The following HK1 variants were observed in gnomAD, a reference collection of about 807,000 sequenced individuals.
HK1 encodes the protein hexokinase-1.
Under a neutral mutation model 91.6 loss-of-function variants are expected in HK1, and 28 were observed. The observed-to-expected ratio is 0.31, with a 90% confidence interval of 0.23 to 0.42. The LOEUF is 0.42. HK1 is among the 10% of genes least tolerant of loss of function. The probability of loss-of-function intolerance (pLI) is 1.00; values close to 1 mark genes in which losing one functional copy is unlikely to be tolerated. For synonymous variants in HK1, 430 were observed against 468.1 expected (o/e 0.92, Z 1.05); for missense variants, 770 against 1,219.8 (o/e 0.63, Z 5.49).
In HK1 at chr10:69,382,595, G is replaced by A. The variant is rs779957731; in HGVS notation, c.1374G>A (p.Ala458=). The A allele has an allele frequency of 1.9e-5, 30 of 1,614,068 alleles. No individual in the cohort carries two copies. The highest frequency in any genetic ancestry group is 5.3e-5 in the African/African-American group (4 of 74,928). Residue 458 remains alanine (A), a synonymous_variant, in exon 10 of 18, where the codon GCG becomes GCA. Coordinates refer to ENST00000359426, the MANE Select transcript of HK1 (RefSeq NM_000188.3). ...GSGKGAAMVT[A]VAYRLAEQHR... is the part of the protein sequence containing the mutation. Reference sequence around the variant, plus strand: ...GCAAGGGGGCTGCCATGGTGACGGCGGTGGCCTACCGCTTGGCCGAGCAGC... The same window carrying A: ...GCAAGGGGGCTGCCATGGTGACGGCAGTGGCCTACCGCTTGGCCGAGCAGC...
At position 69,376,948 on chromosome 10, in the gene HK1, T is replaced by C; in HGVS notation, c.890T>C (p.Val297Ala). 1 of 1,614,126 alleles carries C rather than the reference T, an allele frequency of 6.2e-7. No individual in the cohort carries two copies. Among genetic ancestry groups the C allele is most frequent in the Non-Finnish European group, 8.5e-7 (1 of 1,180,014 alleles). ...TTTCTCCACAGGTTTGAGAAGATGG[T>C]CAGTGGCATGTACTTGGGAGAGCTG... ...NPGKQLFEKM[V>A]SGMYLGELVR... The change falls in exon 8 of 18, where the codon GTC becomes GCC. Residue 297 changes from valine to alanine, a missense_variant. This residue lies in a region of HK1 where 449 missense variants were observed against 665.1 expected (regional missense o/e 0.68). Coordinates refer to ENST00000359426, the MANE Select transcript of HK1 (RefSeq NM_000188.3).
At chr10:69,349,248 C>A (rs66866858) in intron 2 of HK1, among the ~76,000 whole-genome samples, 4,755 of 152,198 alleles carry the variant, frequency 0.031, 123 homozygotes, top group African/African-American at 0.06. Context: ...ACCTGTGTGA[C>A]CTTGGAGAAG....
chr10:69,383,956 G>A (rs938705963), intron 10 of HK1, among the ~76,000 whole-genome samples: 1 of 152,260 alleles, frequency 6.6e-6, no homozygotes, highest in African/African-American at 2.4e-5. Context: ...AGGAACTGCA[G>A]TCATGTTGCA....
intron 2 of HK1, 61 bp from the exon 3 acceptor site, chr10:69,359,836 T>TG: frequency 1.3e-6 from 2 of 1,517,634 alleles, no homozygotes; most frequent in Non-Finnish European, 1.8e-6. Flanking sequence ...GAAGCGGGCA[T>TG]GGTATGTGGC....
At chr10:69,350,962 A>C (rs1380205096) in intron 2 of HK1, among the ~76,000 whole-genome samples, 1 of 145,074 alleles carries the variant, frequency 6.9e-6, no homozygotes, top group African/African-American at 2.6e-5. Flanking sequence ...CGAGGTCAGG[A>C]GATCGAGACC....
chr10:69,309,756 G>A (rs1482127265), intron 5 of HK1, among the ~76,000 whole-genome samples: 3 of 145,028 alleles, frequency 2.1e-5, no homozygotes, highest in Non-Finnish European at 1.5e-5. Context: ...AGTTCAGATT[G>A]CACCACTCGG....
At chr10:69,320,130 T>C (rs1846924944) in intron 1 of HK1, among the ~76,000 whole-genome samples, 2 of 152,144 alleles carry the variant, frequency 1.3e-5, no homozygotes, top group South Asian at 4.1e-4. Context: ...TCTGGCACCA[T>C]AGGAAACAGG....
intron 4 of HK1, among the ~76,000 whole-genome samples, chr10:69,367,822 G>GA (rs1049913939): frequency 6.6e-6 from 1 of 151,642 alleles, no homozygotes; most frequent in Admixed American, 6.6e-5. Flanking sequence ...TATCTTTTTA[G>GA]TTTTTTTTTA....
chr10:69,372,747 A>T lies in HK1; in HGVS notation c.875+3123A>T, dbSNP rs1850080406. ...TGTTAGAGTTACATAGCGGTCTTTTAAAAAAAATACTGATGTCCAGGCATC... is the reference window on the plus strand; with the variant it reads ...TGTTAGAGTTACATAGCGGTCTTTTTAAAAAAATACTGATGTCCAGGCATC... On this transcript the variant is annotated intron_variant, in intron 7 of 17. Coordinates refer to ENST00000359426, the MANE Select transcript of HK1 (RefSeq NM_000188.3). Among the ~76,000 whole-genome samples the T allele has an allele frequency of 2.6e-5, 4 of 151,982 alleles. 1 individual carries two copies. The South Asian group carries it at 6.2e-4, about 24-fold the overall frequency.
intron 5 of HK1, among the ~76,000 whole-genome samples, chr10:69,302,754 T>G (rs1366220474): frequency 2.8e-5 from 1 of 36,348 alleles, no homozygotes; most frequent in Non-Finnish European, 6.3e-5. Context: ...GGACCCTGTC[T>G]CAAAAAAAAA....
chr10:69,387,264 CT>C (rs869095792), intron 13 of HK1, among the ~76,000 whole-genome samples: 3 of 152,056 alleles, frequency 2.0e-5, no homozygotes, highest in African/African-American at 7.2e-5. Context: ...CCAAATTAAA[CT>C]TTTTTAAAAA....
chr10:69,393,940 G>T (rs3793844), intron 15 of HK1, among the ~76,000 whole-genome samples: 6,199 of 152,242 alleles, frequency 0.041, 189 homozygotes, highest in Non-Finnish European at 0.061. Context: ...GTTAAAAAGC[G>T]GGGGGATCAG....
At chr10:69,286,447 T>C (rs774377005) in intron 2 of HK1, among the ~76,000 whole-genome samples, 4 of 152,114 alleles carry the variant, frequency 2.6e-5, no homozygotes, top group African/African-American at 9.7e-5. Flanking sequence ...GTTAGTGTGA[T>C]TGCACTACTG....
In HK1 at chr10:69,344,015, C is replaced by A. The variant is rs74566009; in HGVS notation, c.226+26C>A. On this transcript the variant is annotated intron_variant, in intron 2 of 17. Transcript: ENST00000359426. The stretch of plus-strand genomic sequence containing the variant: ...GTAAGTCTGTCACCCAGAGATTGAA[C>A]CCTGAGGGCTAAATGTTCTGTGAAA... 3,148 of 1,610,824 alleles carry A rather than the reference C, an allele frequency of 2.0e-3. 14 individuals are homozygous for A. The highest frequency in any genetic ancestry group is 0.014 in the African/African-American group (1,034 of 74,938).
intron 2 of HK1, chr10:69,282,832 A>G (rs1347354044): frequency 6.6e-6 from 1 of 152,060 alleles, no homozygotes; most frequent in Non-Finnish European, 1.5e-5. Context: ...AACAAAATGA[A>G]TGAGCTGGGT....
chr10:69,376,991 C>T lies in HK1; in HGVS notation c.933C>T (p.Val311=). The T allele has an allele frequency of 6.2e-7, 1 of 1,614,160 alleles. No homozygotes were observed. Among genetic ancestry groups the T allele is most frequent in the Non-Finnish European group, 8.5e-7 (1 of 1,180,038 alleles). The change falls in exon 8 of 18, where the codon GTC becomes GTT. Residue 311 remains valine (V), a synonymous_variant. Coordinates refer to ENST00000359426, the MANE Select transcript of HK1 (RefSeq NM_000188.3). Reference sequence around the variant, plus strand: ...GAGAGCTGGTTCGACTGATCCTAGTCAAGATGGCCAAGGAGGGCCTCTTAT... The same window carrying T: ...GAGAGCTGGTTCGACTGATCCTAGTTAAGATGGCCAAGGAGGGCCTCTTAT... ...YLGELVRLIL[V]KMAKEGLLFE...
upstream of HK1, among the ~76,000 whole-genome samples, chr10:69,314,619 T>C (rs1031142650): frequency 1.3e-5 from 2 of 152,098 alleles, no homozygotes; most frequent in African/African-American, 4.8e-5. Context: ...CATTTTTTTC[T>C]TTTTTTCTTT....
chr10:69,344,585 T>G (rs1032850382), intron 2 of HK1, among the ~76,000 whole-genome samples: 4 of 152,074 alleles, frequency 2.6e-5, no homozygotes, highest in Middle Eastern at 3.2e-3. Flanking sequence ...AAAGAAAAAT[T>G]GTATCCTTTC....
intron 1 of HK1, among the ~76,000 whole-genome samples, chr10:69,325,432 A>AC (rs1847288955): frequency 6.7e-6 from 1 of 149,996 alleles, no homozygotes; most frequent in African/African-American, 2.5e-5. Context: ...ATCTCGGCTC[A>AC]TTGCAACCTC....
Sources: gnomAD v4.1 joint callset for allele counts (sites outside exome capture counted in the v4.1 genomes callset) on GRCh38, gnomAD v4.1.1 for gene constraint, gnomAD v4.1.1 regional missense constraint, MANE v1.5 for transcripts, NCBI Gene and HGNC (gene_info 2026-07-23, HGNC 2026-07-21) for gene names.